VPS13B: variants seen among roughly 807,000 people sequenced by gnomAD.
VPS13B encodes the protein vacuolar protein sorting 13 homolog B.
Under a neutral mutation model 426.4 loss-of-function variants are expected in VPS13B, and 285 were observed. The ratio of observed to expected loss-of-function variants is 0.67; its 90% confidence interval spans 0.61 to 0.74. The LOEUF (loss-of-function observed/expected upper bound fraction) is 0.74. Ranked by LOEUF, VPS13B falls within the 30% of genes least tolerant of loss-of-function variation. The probability of loss-of-function intolerance (pLI) is 0.00; values close to 1 mark genes in which losing one functional copy is unlikely to be tolerated. For missense variants in VPS13B, 4,537 were observed against 4,782.6 expected (o/e 0.95, Z 1.51); for synonymous variants, 1,676 against 1,676.4 (o/e 1.00, Z 0.01).
intron 39 of VPS13B, among the ~76,000 whole-genome samples, chr8:99,749,679 T>A (rs1364555809): frequency 6.6e-6 from 1 of 152,168 alleles, no homozygotes; most frequent in African/African-American, 2.4e-5. Context: ...TCTTGGCTAT[T>A]GTAAATAGTG....
Position 99,766,871 on chromosome 8 carries a change from T to A in VPS13B, c.7148T>A (p.Leu2383Ter). ...LSESKVCELQ[L>*]PDINLVNDQK... ...GAAAGCAAAGTTTGTGAACTGCAGT[T>A]GCCGGATATCAATCTCGTGAATGAC... The change falls in exon 40 of 62, where the codon TTG becomes TAG. Residue 2383 changes from leucine (L) to a stop codon, truncating the protein, a stop_gained. Transcript: ENST00000357162. LOFTEE classifies it high-confidence loss of function. 1 of 1,614,070 alleles carries A rather than the reference T, an allele frequency of 6.2e-7. No individual in the cohort carries two copies. The highest frequency in any genetic ancestry group is 8.5e-7 in the Non-Finnish European group (1 of 1,179,974).
chr8:99,498,563 C>G (rs1821055574), intron 25 of VPS13B, among the ~76,000 whole-genome samples: 1 of 151,610 alleles, frequency 6.6e-6, no homozygotes, highest in Non-Finnish European at 1.5e-5. Flanking sequence ...AAAATAAGCT[C>G]ATGAAAATAA....
At chr8:99,363,223 C>A (rs538223375) in intron 19 of VPS13B, among the ~76,000 whole-genome samples, 77 of 152,192 alleles carry the variant, frequency 5.1e-4, no homozygotes, top group African/African-American at 1.8e-3. Context: ...ATTCTTATGC[C>A]TATGGATATC....
At chr8:99,102,820 A>G (rs994647207) in intron 4 of VPS13B, 133 bp from the exon 5 acceptor site, 2 of 910,860 alleles carry the variant, frequency 2.2e-6, no homozygotes, top group African/African-American at 1.7e-5. Context: ...ACCTATCTGA[A>G]CTTCAGTTTC....
At chr8:99,032,701 G>T (rs1387411302) in intron 2 of VPS13B, among the ~76,000 whole-genome samples, 2 of 142,932 alleles carry the variant, frequency 1.4e-5, no homozygotes, top group Non-Finnish European at 1.5e-5. Flanking sequence ...GGCTATTTTT[G>T]TTTTTTTTTT....
At chr8:99,652,955 A>G (rs1829881916) in intron 34 of VPS13B, among the ~76,000 whole-genome samples, 1 of 152,182 alleles carries the variant, frequency 6.6e-6, no homozygotes, top group South Asian at 2.1e-4. Flanking sequence ...AGAAGGTTAA[A>G]TAAGAAATGA....
Position 99,488,719 on chromosome 8 carries a change from T to G in VPS13B, c.3870+6917T>G, listed in dbSNP as rs192473835. 9.9e-5 allele frequency among the ~76,000 whole-genome samples: 15 copies of G among 152,184 alleles called. No individual in the cohort carries two copies. In the East Asian group the frequency reaches 2.9e-3, roughly 29 times the overall value. On this transcript the variant is annotated intron_variant, in intron 25 of 61. Coordinates refer to ENST00000357162, the MANE Select transcript of VPS13B (RefSeq NM_152564.5). Reference sequence around the variant, plus strand: ...TGACTGATATTAGCTTGATTCTAAGTTAGTGGAACCTCTGGAAGAGACTTT... The same window carrying G: ...TGACTGATATTAGCTTGATTCTAAGGTAGTGGAACCTCTGGAAGAGACTTT...
At chr8:99,048,104 A>C (rs1843327429) in intron 3 of VPS13B, among the ~76,000 whole-genome samples, 2 of 152,194 alleles carry the variant, frequency 1.3e-5, no homozygotes, top group South Asian at 4.1e-4. Flanking sequence ...ATTATTGTTG[A>C]CCCAATGATC....
At chr8:99,569,461 GA>G (rs1825367122) in intron 31 of VPS13B, among the ~76,000 whole-genome samples, 1 of 150,148 alleles carries the variant, frequency 6.7e-6, no homozygotes, top group Admixed American at 6.6e-5. Flanking sequence ...AAAAAAAAAA[GA>G]AAAAAGAATT....
intron 16 of VPS13B, among the ~76,000 whole-genome samples, chr8:99,180,043 A>G (rs1812863263): frequency 6.6e-6 from 1 of 152,190 alleles, no homozygotes; most frequent in Non-Finnish European, 1.5e-5. Flanking sequence ...TTAATTACAT[A>G]TATAAAATAT....
intron 30 of VPS13B, among the ~76,000 whole-genome samples, chr8:99,544,948 G>A (rs779704632): frequency 6.6e-6 from 1 of 152,150 alleles, no homozygotes; most frequent in Non-Finnish European, 1.5e-5. Context: ...AGAAAACGAA[G>A]CTCAGGGATG....
At chr8:99,275,416 A>G (rs766880330) in intron 19 of VPS13B, among the ~76,000 whole-genome samples, 162 bp downstream of exon 19, 4 of 146,418 alleles carry the variant, frequency 2.7e-5, no homozygotes, top group Non-Finnish European at 6.0e-5. Context: ...GAATTTTTGT[A>G]TCACTTTTGT....
At chr8:99,016,614 C>CGGA (rs1841633958) in intron 2 of VPS13B, among the ~76,000 whole-genome samples, 1 of 101,192 alleles carries the variant, frequency 9.9e-6, no homozygotes, top group East Asian at 3.3e-4. Flanking sequence ...TTTTTTGAGA[C>CGGA]GGAGTCTCGC....
intron 17 of VPS13B, chr8:99,233,700 A>C (rs527844654): frequency 3.8e-6 from 3 of 789,976 alleles, no homozygotes; most frequent in Non-Finnish European, 7.0e-6. Flanking sequence ...CATATGCTCA[A>C]ATCCTGCAAG....
intron 23 of VPS13B, among the ~76,000 whole-genome samples, chr8:99,444,991 G>A (rs116832523): frequency 0.013 from 1,929 of 152,002 alleles, 46 homozygotes; most frequent in African/African-American, 0.044. Context: ...CTTTTTAGTT[G>A]TATTTTTAGT....
chr8:99,050,030 T>C (rs1403986116), intron 3 of VPS13B, among the ~76,000 whole-genome samples: 1 of 151,854 alleles, frequency 6.6e-6, no homozygotes, highest in Non-Finnish European at 1.5e-5. Context: ...TTTTATTTTT[T>C]TATTTATCTT....
chr8:99,384,120 C>A, intron 19 of VPS13B, 88 bp from the exon 20 acceptor site: 1 of 1,072,006 alleles, frequency 9.3e-7, no homozygotes, highest in Non-Finnish European at 1.4e-6. Context: ...TCTGTTATGT[C>A]ATAGCTATCC....
Position 99,832,341 on chromosome 8 carries a change from ATTTTTTTTTTTTTT to A in VPS13B, c.9331-16_9331-3del, listed in dbSNP as rs370235149. On this transcript the variant is annotated splice_polypyrimidine_tract_variant and intron_variant, in intron 51 of 61. Coordinates refer to ENST00000357162, the MANE Select transcript of VPS13B (RefSeq NM_152564.5). ...TTACTGTAGCTAATGTGCTCTCTGC[ATTTTTTTTTTTTTT>A]TTTTTTTTTTTAGTATTTTCGTGTT... 1 of 936,946 alleles carries A rather than the reference ATTTTTTTTTTTTTT, an allele frequency of 1.1e-6. No homozygotes were observed. The highest frequency in any genetic ancestry group is 2.1e-5 in the South Asian group (1 of 48,338). 58.0% of individuals were successfully genotyped at this position (936,946 alleles called of 1,614,324 possible).
chr8:99,458,060 C>CCCCCCCCCCCCCA (rs1818592505), intron 23 of VPS13B, among the ~76,000 whole-genome samples: 2 of 124,426 alleles, frequency 1.6e-5, no homozygotes, highest in African/African-American at 3.1e-5. Flanking sequence ...ATGCTATCCC[C>CCCCCCCCCCCCCA]CCCCCCTCCC....
Sources: allele counts gnomAD v4.1 joint callset (sites outside exome capture counted in the v4.1 genomes callset), GRCh38; gene constraint gnomAD v4.1.1; transcripts MANE v1.5; gene names NCBI Gene and HGNC (gene_info 2026-07-23, HGNC 2026-07-21).